Variants in CNTNAP2 observed in about 807,000 individuals in gnomAD.
CNTNAP2 encodes contactin associated protein 2.
A neutral mutation model predicts 155.2 loss-of-function variants in CNTNAP2; 98 were observed. The observed-to-expected ratio is 0.63, with a 90% CI of 0.54 to 0.75. CNTNAP2 has a LOEUF of 0.75. Among genes scored for constraint, CNTNAP2 ranks in the 30% least tolerant of loss-of-function variants. CNTNAP2 has a pLI of 0.00. For synonymous variants in CNTNAP2, 651 were observed against 631.2 expected, an observed-to-expected ratio of 1.03 and a Z score of -0.47; for missense variants, 1,727 against 1,688.1, an observed-to-expected ratio of 1.02 and a Z score of -0.40.
intron 1 of CNTNAP2, among the ~76,000 whole-genome samples, chr7:146,621,346 T>C (rs1422614770): frequency 1.3e-5 from 2 of 152,222 alleles, no homozygotes; most frequent in Non-Finnish European, 2.9e-5. Context: ...AATATGCATA[T>C]ATTAAGCCTA....
rs1554447439 is a variant in CNTNAP2 at position 146,550,415 on chromosome 7, T to TGTTG, written c.98-223856_98-223855insGTTG. On this transcript the variant is annotated intron_variant, in intron 1 of 23. Coordinates refer to ENST00000361727, the MANE Select transcript of CNTNAP2 (RefSeq NM_014141.6). Reference sequence around the variant, plus strand: ...TCCATTAATCTGTTTTTTTTTTTTTTTTTTTTTTTTTTTTATAAAGTACCC... The same window carrying TGTTG: ...TCCATTAATCTGTTTTTTTTTTTTTTGTTGTTTTTTTTTTTTTTATAAAGTACCC... Among the ~76,000 whole-genome samples the TGTTG allele has an allele frequency of 3.3e-4, 38 of 115,820 alleles. 1 individual carries two copies. Among genetic ancestry groups the TGTTG allele is most frequent in the South Asian group, 9.7e-4 (3 of 3,108 alleles). 76.0% of individuals were successfully genotyped at this position (115,820 alleles called of 152,430 possible).
chr7:146,664,410 C>T (rs1448027151), intron 1 of CNTNAP2, among the ~76,000 whole-genome samples: 1 of 152,078 alleles, frequency 6.6e-6, no homozygotes, highest in African/African-American at 2.4e-5. Flanking sequence ...ATCTGCCCAT[C>T]TCAGCCTCCC....
At position 147,161,850 on chromosome 7, in the gene CNTNAP2, A is replaced by T. The variant is rs544705377; in HGVS notation, c.1348+29341A>T. On this transcript the variant is annotated intron_variant, in intron 8 of 23. Transcript: ENST00000361727. ...GATGAGCATTCATTCCAGGAACTCTAATGCTGTTTCCATTTTTATGACCAA... is the reference window on the plus strand; with the variant it reads ...GATGAGCATTCATTCCAGGAACTCTTATGCTGTTTCCATTTTTATGACCAA... 4.6e-5 allele frequency: 7 copies of T among 152,288 alleles called. No homozygotes were observed. In the East Asian group the frequency reaches 9.6e-4, roughly 21 times the overall value. 9.4% of individuals were successfully genotyped at this position (152,288 alleles called of 1,614,324 possible).
intron 12 of CNTNAP2, among the ~76,000 whole-genome samples, chr7:147,575,769 G>A (rs1800386790): frequency 1.3e-5 from 2 of 151,790 alleles, no homozygotes; most frequent in African/African-American, 4.8e-5. Flanking sequence ...TTTTGGTTAA[G>A]GAGTGTCATA....
At chr7:147,837,761 G>T (rs982746059) in intron 13 of CNTNAP2, among the ~76,000 whole-genome samples, 1 of 152,156 alleles carries the variant, frequency 6.6e-6, no homozygotes. Flanking sequence ...ATCCAGCAGG[G>T]CTGTCAAATC....
intron 8 of CNTNAP2, among the ~76,000 whole-genome samples, chr7:147,286,175 A>G (rs1473412786): frequency 6.6e-6 from 1 of 152,038 alleles, no homozygotes; most frequent in African/African-American, 2.4e-5. Flanking sequence ...CATAGTGTCA[A>G]TTTTCTATAA....
At chr7:148,021,882 C>T (rs551128899) in intron 15 of CNTNAP2, among the ~76,000 whole-genome samples, 3 of 152,268 alleles carry the variant, frequency 2.0e-5, no homozygotes, top group African/African-American at 4.8e-5. Context: ...GCATCAGACA[C>T]GGTATACCTG....
intron 2 of CNTNAP2, among the ~76,000 whole-genome samples, chr7:146,825,182 A>G (rs1803376757): frequency 6.6e-6 from 1 of 152,116 alleles, no homozygotes; most frequent in African/African-American, 2.4e-5. Flanking sequence ...ACACACCCAC[A>G]ATGCTTTTGG....
chr7:147,621,492 A>G (rs999659843), intron 12 of CNTNAP2, among the ~76,000 whole-genome samples: 2 of 152,072 alleles, frequency 1.3e-5, no homozygotes, highest in Non-Finnish European at 2.9e-5. Flanking sequence ...AAGCAGAAGG[A>G]TAGAGGTAAG....
rs191780019 is a variant in CNTNAP2 at position 147,326,654 on chromosome 7, C to A, written c.1498+26364C>A. Among the ~76,000 whole-genome samples, 316 of 152,312 alleles carry A rather than the reference C, an allele frequency of 2.1e-3. 2 individuals are homozygous for A. Among genetic ancestry groups the A allele is most frequent in the Non-Finnish European group, 3.2e-3 (216 of 68,018 alleles). On this transcript the variant is annotated intron_variant, in intron 9 of 23. Coordinates refer to ENST00000361727, the MANE Select transcript of CNTNAP2 (RefSeq NM_014141.6). ...GATTTTACATCCCACTAGCAGTGTA[C>A]AAAGGTTCTGATTGTTCCACATCCT...
chr7:147,791,129 T>C (rs851698), intron 13 of CNTNAP2, among the ~76,000 whole-genome samples: 26,391 of 152,134 alleles, frequency 0.17, 3,754 homozygotes, highest in African/African-American at 0.39. Context: ...TTAATCAACT[T>C]TTTGTCCTTT....
At chr7:146,648,343 T>C (rs529660669) in intron 1 of CNTNAP2, among the ~76,000 whole-genome samples, 1 of 152,278 alleles carries the variant, frequency 6.6e-6, no homozygotes, top group South Asian at 2.1e-4. Flanking sequence ...TTTCAAACTT[T>C]ATAAGGAAAT....
chr7:146,944,607 G>T (rs373427159), intron 3 of CNTNAP2, among the ~76,000 whole-genome samples: 2 of 152,114 alleles, frequency 1.3e-5, no homozygotes, highest in Non-Finnish European at 1.5e-5. Flanking sequence ...GCCCAGGCGC[G>T]GGGGCTCACA....
intron 13 of CNTNAP2, among the ~76,000 whole-genome samples, chr7:147,869,286 A>C (rs373229128): frequency 2.6e-5 from 4 of 152,238 alleles, no homozygotes; most frequent in East Asian, 3.8e-4. Context: ...AAATGAAAAC[A>C]AGTCTATTAA....
At chr7:147,263,805 G>C (rs1451079883) in intron 8 of CNTNAP2, among the ~76,000 whole-genome samples, 3 of 152,162 alleles carry the variant, frequency 2.0e-5, no homozygotes, top group Non-Finnish European at 4.4e-5. Flanking sequence ...TGGGACCTCT[G>C]TCTCATTTCT....
At chr7:146,218,887 G>T (rs1177688330) in intron 1 of CNTNAP2, among the ~76,000 whole-genome samples, 1 of 152,122 alleles carries the variant, frequency 6.6e-6, no homozygotes, top group Non-Finnish European at 1.5e-5. Flanking sequence ...TGGAAGGGCA[G>T]CTCCACCCCT....
rs114565540 is a variant in CNTNAP2 at position 146,769,068 on chromosome 7, T to C, written c.98-5203T>C. ...CCAGCTTGAGTTAGTACAGGATTCATATAGCTAGTCTGCCTTCATGATTGA... is the reference window on the plus strand; with the variant it reads ...CCAGCTTGAGTTAGTACAGGATTCACATAGCTAGTCTGCCTTCATGATTGA... On this transcript the variant is annotated intron_variant, in intron 1 of 23. Coordinates refer to ENST00000361727, the MANE Select transcript of CNTNAP2 (RefSeq NM_014141.6). Among the ~76,000 whole-genome samples the C allele has an allele frequency of 3.0e-3, 459 of 152,342 alleles. 5 individuals carry two copies. Among genetic ancestry groups the C allele is most frequent in the African/African-American group, 0.01 (429 of 41,592 alleles).
intron 18 of CNTNAP2, chr7:148,190,533 C>A (rs957181162): frequency 1.3e-5 from 2 of 152,048 alleles, no homozygotes; most frequent in African/African-American, 2.4e-5. Context: ...GCTCTTAGAG[C>A]GACAGAATCA....
In CNTNAP2 at chr7:147,716,741, T is replaced by C. The variant is rs146030927; in HGVS notation, c.2098+77435T>C. On this transcript the variant is annotated intron_variant, in intron 13 of 23. Coordinates refer to ENST00000361727, the MANE Select transcript of CNTNAP2 (RefSeq NM_014141.6). ...TCAGGAAAAGAATAATTTCTTGGGC[T>C]GCTTTTTGTTAGAAGGGAAGTTCTG... is the stretch of plus-strand genomic sequence containing the variant. 2.3e-3 allele frequency among the ~76,000 whole-genome samples: 350 copies of C among 152,282 alleles called. 2 individuals are homozygous for C. Among genetic ancestry groups the C allele is most frequent in the African/African-American group, 7.8e-3 (326 of 41,576 alleles).
Sources: allele counts gnomAD v4.1 joint callset (sites outside exome capture counted in the v4.1 genomes callset), GRCh38; gene constraint gnomAD v4.1.1; transcripts MANE v1.5; gene names NCBI Gene and HGNC (gene_info 2026-07-23, HGNC 2026-07-21).